The following CNTN5 variants were observed in gnomAD, a reference collection of about 807,000 sequenced individuals.
CNTN5 encodes contactin 5, also known as contactin-5.
Under a neutral mutation model 129.1 loss-of-function variants are expected in CNTN5, and 77 were observed. The observed-to-expected ratio is 0.60, with a 90% CI of 0.50 to 0.72. CNTN5 has a LOEUF of 0.72. CNTN5 is among the 30% of genes least tolerant of loss of function. The pLI is 0.00. For missense variants in CNTN5, 1,478 were observed against 1,328.8 expected (o/e 1.11, Z -1.75); for synonymous variants, 509 against 465.6 (o/e 1.09, Z -1.20).
intron 3 of CNTN5, among the ~76,000 whole-genome samples, chr11:99,671,409 T>C (rs1373270946): frequency 6.6e-6 from 1 of 152,196 alleles, no homozygotes; most frequent in Non-Finnish European, 1.5e-5. Context: ...ATAAGCACTC[T>C]AAGTGTATGA....
intron 1 of CNTN5, among the ~76,000 whole-genome samples, chr11:99,044,365 A>T (rs1235710146): frequency 6.6e-6 from 1 of 152,176 alleles, no homozygotes; most frequent in Non-Finnish European, 1.5e-5. Flanking sequence ...CGAAAATGTG[A>T]AATCTGGAAG....
At chr11:100,024,409 C>T (rs2137579237) in intron 9 of CNTN5, among the ~76,000 whole-genome samples, 1 of 152,216 alleles carries the variant, frequency 6.6e-6, no homozygotes, top group East Asian at 1.9e-4. Flanking sequence ...TGTATGAGAA[C>T]TAATACAACA....
intron 6 of CNTN5, among the ~76,000 whole-genome samples, chr11:99,894,678 G>A (rs894344451): frequency 6.6e-6 from 1 of 152,074 alleles, no homozygotes; most frequent in Non-Finnish European, 1.5e-5. Context: ...ATGACTTTTG[G>A]TTAGCTGTTC....
chr11:99,093,457 A>G (rs200690397), intron 1 of CNTN5, among the ~76,000 whole-genome samples: 1 of 139,694 alleles, frequency 7.2e-6, no homozygotes. Flanking sequence ...TTTTTTTTTT[A>G]TTTCTTATTT....
intron 20 of CNTN5, among the ~76,000 whole-genome samples, chr11:100,301,926 C>T (rs1370879004): frequency 2.6e-5 from 4 of 151,600 alleles, no homozygotes; most frequent in Admixed American, 1.3e-4. Flanking sequence ...AATCCCAACA[C>T]ATTGGGAGGT....
intron 1 of CNTN5, among the ~76,000 whole-genome samples, chr11:99,024,448 T>G (rs1243377061): frequency 6.6e-6 from 1 of 152,106 alleles, no homozygotes; most frequent in African/African-American, 2.4e-5. Context: ...TGGATTTCTT[T>G]CATCAAAATT....
Position 99,549,819 on chromosome 11 carries a change from T to C in CNTN5, c.-70-6326T>C, listed in dbSNP as rs1036394441. ...CTAGGTGGTAGGAATCACAAACTAT[T>C]TCTGGCATCAGATTCTAGAGTAGTT... On this transcript the variant is annotated intron_variant, in intron 2 of 24. Transcript: ENST00000524871. Among the ~76,000 whole-genome samples the C allele has an allele frequency of 7.2e-5, 11 of 152,170 alleles. 1 individual carries two copies. The highest frequency in any genetic ancestry group is 1.6e-4 in the Non-Finnish European group (11 of 68,016).
intron 2 of CNTN5, among the ~76,000 whole-genome samples, chr11:99,483,782 A>G (rs1023032306): frequency 6.6e-6 from 1 of 152,192 alleles, no homozygotes; most frequent in African/African-American, 2.4e-5. Flanking sequence ...TAGTCAAAGC[A>G]AGAGTACCAA....
In CNTN5 at chr11:99,490,300, T is replaced by G. The variant is rs367570469; in HGVS notation, c.-70-65845T>G. Among the ~76,000 whole-genome samples the G allele has an allele frequency of 2.6e-5, 4 of 152,210 alleles. No individual in the cohort carries two copies. In the East Asian group the frequency reaches 5.8e-4, roughly 22 times the overall value. On this transcript the variant is annotated intron_variant, in intron 2 of 24. Transcript: ENST00000524871. The stretch of plus-strand genomic sequence containing the variant: ...GGTGTTCATCATTTGGACATTAAGT[T>G]ATTACATAATTTTTTTTCTCCACAC...
intron 3 of CNTN5, among the ~76,000 whole-genome samples, chr11:99,563,763 G>T (rs576802802): frequency 1.3e-5 from 2 of 152,246 alleles, no homozygotes; most frequent in East Asian, 1.9e-4. Flanking sequence ...CATCCAGAAG[G>T]CTAGCTTAGG....
intron 13 of CNTN5, among the ~76,000 whole-genome samples, chr11:100,108,456 CAT>C (rs542862068): frequency 3.3e-5 from 5 of 152,200 alleles, no homozygotes; most frequent in African/African-American, 1.2e-4. Context: ...GGGAGAGACA[CAT>C]ATTTTCAGCA....
intron 11 of CNTN5, among the ~76,000 whole-genome samples, chr11:100,071,310 C>T (rs752418596): frequency 2.6e-5 from 4 of 152,032 alleles, no homozygotes; most frequent in Non-Finnish European, 5.9e-5. Context: ...TAACCTTGAT[C>T]TCATGTGTCT....
At chr11:99,770,390 C>T (rs1036528275) in intron 3 of CNTN5, among the ~76,000 whole-genome samples, 1 of 151,894 alleles carries the variant, frequency 6.6e-6, no homozygotes, top group Non-Finnish European at 1.5e-5. Flanking sequence ...ATTTATGATT[C>T]TGTGATCCTT....
chr11:99,317,824 T>TA lies in CNTN5; in HGVS notation c.-209-7513dup, dbSNP rs151075002. 3.9e-3 allele frequency among the ~76,000 whole-genome samples: 595 copies of TA among 151,198 alleles called. 5 individuals carry two copies. The highest frequency in any genetic ancestry group is 0.012 in the African/African-American group (488 of 41,308). On this transcript the variant is annotated intron_variant, in intron 1 of 24. Coordinates refer to ENST00000524871, the MANE Select transcript of CNTN5 (RefSeq NM_014361.4). ...CCCTTCTACAATAATTAACTTACTG[T>TA]AAAAAAAAAGAAAACTTCTATAAAT...
intron 18 of CNTN5, among the ~76,000 whole-genome samples, chr11:100,286,048 A>C (rs570981): frequency 0.86 from 131,008 of 151,840 alleles, 56,953 homozygotes; most frequent in East Asian, 1. Flanking sequence ...CTTTTCCGAT[A>C]GGCTTAAAAA....
chr11:100,272,715 G>A (rs561407486), intron 18 of CNTN5, among the ~76,000 whole-genome samples: 4 of 152,072 alleles, frequency 2.6e-5, no homozygotes, highest in South Asian at 2.1e-4. Flanking sequence ...ACCCCTACGC[G>A]GGGCTACAGC....
intron 4 of CNTN5, among the ~76,000 whole-genome samples, chr11:99,837,150 C>T (rs1423440255): frequency 6.6e-6 from 1 of 152,170 alleles, no homozygotes; most frequent in African/African-American, 2.4e-5. Flanking sequence ...TCATTTTTCC[C>T]AGCCTCTGTT....
chr11:99,414,064 C>G (rs1026907993), intron 2 of CNTN5, among the ~76,000 whole-genome samples: 35 of 152,202 alleles, frequency 2.3e-4, no homozygotes, highest in Middle Eastern at 3.4e-3. Flanking sequence ...TTCAGTGATC[C>G]CAAGTTGTCA....
At chr11:99,414,288 A>G (rs2135023381) in intron 2 of CNTN5, among the ~76,000 whole-genome samples, 1 of 152,260 alleles carries the variant, frequency 6.6e-6, no homozygotes, top group South Asian at 2.1e-4. Flanking sequence ...AATTCTAGAA[A>G]GTTTTGAGCT....
Sources: allele counts gnomAD v4.1 joint callset (sites outside exome capture counted in the v4.1 genomes callset), GRCh38; gene constraint gnomAD v4.1.1; transcripts MANE v1.5; gene names NCBI Gene and HGNC (gene_info 2026-07-23, HGNC 2026-07-21).